The following AKT3 variants were observed in gnomAD, a reference collection of about 807,000 sequenced individuals.
AKT3 encodes the protein RAC-gamma serine/threonine-protein kinase.
A neutral mutation model predicts 65.3 loss-of-function variants in AKT3; 15 were observed. That is an observed-to-expected ratio of 0.23 (90% confidence interval 0.15 to 0.35). The LOEUF is 0.35. Among genes scored for constraint, AKT3 ranks in the 10% least tolerant of loss-of-function variants. The pLI, the probability that AKT3 is intolerant of heterozygous loss-of-function variation, is 1.00. For missense variants in AKT3, 243 were observed against 576.5 expected (o/e 0.42, Z 5.92); for synonymous variants, 206 against 183.8 (o/e 1.12, Z -0.98).
intron 2 of AKT3, among the ~76,000 whole-genome samples, chr1:243,746,092 T>C (rs1688457759): frequency 6.6e-6 from 1 of 152,238 alleles, no homozygotes; most frequent in East Asian, 1.9e-4. Context: ...GTTCATTCGA[T>C]GATTTTTTAC....
chr1:243,681,075 A>C (rs955989058), intron 3 of AKT3, among the ~76,000 whole-genome samples: 1 of 152,124 alleles, frequency 6.6e-6, no homozygotes, highest in Non-Finnish European at 1.5e-5. Context: ...TGGTCTGGAA[A>C]CTTGAAAGCT....
chr1:243,663,110 CA>C (rs1682496420), intron 4 of AKT3, among the ~76,000 whole-genome samples: 1 of 152,184 alleles, frequency 6.6e-6, no homozygotes, highest in Non-Finnish European at 1.5e-5. Flanking sequence ...GGACTATGTG[CA>C]AAAGATGTTT....
chr1:243,677,228 C>T (rs913624850), intron 3 of AKT3, among the ~76,000 whole-genome samples: 1 of 152,152 alleles, frequency 6.6e-6, no homozygotes, highest in Non-Finnish European at 1.5e-5. Flanking sequence ...ATTCTAGTCA[C>T]TCAAGATCTT....
At chr1:243,704,097 G>A (rs1052139318) in intron 2 of AKT3, among the ~76,000 whole-genome samples, 14 of 152,128 alleles carry the variant, frequency 9.2e-5, no homozygotes, top group African/African-American at 3.4e-4. Flanking sequence ...TTGGATGTGT[G>A]TTGATAGTCT....
intron 8 of AKT3, among the ~76,000 whole-genome samples, chr1:243,594,834 C>A (rs992140221): frequency 3.9e-5 from 6 of 152,150 alleles, no homozygotes; most frequent in Admixed American, 3.3e-4. Context: ...CCTGCCTCAG[C>A]CTCCCAAAGT....
chr1:243,569,981 T>G (rs539846742), intron 9 of AKT3, among the ~76,000 whole-genome samples: 1 of 152,324 alleles, frequency 6.6e-6, no homozygotes, highest in African/African-American at 2.4e-5. Context: ...TTTCCTTAAG[T>G]AATCACAAGG....
intron 2 of AKT3, among the ~76,000 whole-genome samples, chr1:243,820,321 G>A (rs1402791032): frequency 6.6e-6 from 1 of 152,182 alleles, no homozygotes; most frequent in Non-Finnish European, 1.5e-5. Flanking sequence ...AAAGATCGAA[G>A]CTGGATAAAC....
At chr1:243,724,256 A>G (rs1236956585) in intron 2 of AKT3, among the ~76,000 whole-genome samples, 1 of 152,026 alleles carries the variant, frequency 6.6e-6, no homozygotes, top group African/African-American at 2.4e-5. Context: ...AAAAAAAAAA[A>G]AAAGAATCCA....
At chr1:243,524,342 C>A (rs894764851) in intron 12 of AKT3, among the ~76,000 whole-genome samples, 1 of 152,146 alleles carries the variant, frequency 6.6e-6, no homozygotes, top group Non-Finnish European at 1.5e-5. Context: ...TCTGCTGACT[C>A]CTGAACCATA....
intron 12 of AKT3, among the ~76,000 whole-genome samples, chr1:243,515,561 C>T (rs752815234): frequency 1.3e-5 from 2 of 152,106 alleles, no homozygotes; most frequent in Non-Finnish European, 2.9e-5. Context: ...AATGTTAAAT[C>T]AATCTTATAT....
Position 243,563,795 on chromosome 1 carries a change from T to C in AKT3, c.873A>G (p.Gly291=), listed in dbSNP as rs146644658. The C allele has an allele frequency of 3.7e-6, 6 of 1,612,902 alleles. No individual in the cohort carries two copies. The African/African-American group carries it at 6.7e-5, about 18-fold the overall frequency. The change falls in exon 10 of 14, where the codon GGA becomes GGG. Residue 291 remains glycine (G), a synonymous_variant. Coordinates refer to ENST00000673466, the MANE Select transcript of AKT3 (RefSeq NM_005465.7). ...KDGHIKITDF[G]LCKEGITDAA... is the part of the protein sequence containing the mutation. ...CATCTGTGATCCCTTCTTTGCAAAG[T>C]CCAAAATCTGTAATTTTTATGTGGC...
intron 3 of AKT3, among the ~76,000 whole-genome samples, chr1:243,665,587 T>C (rs1411773957): frequency 6.6e-6 from 1 of 152,122 alleles, no homozygotes; most frequent in East Asian, 1.9e-4. Context: ...TGTGCGTAGA[T>C]TCAATTATTT....
At chr1:243,584,115 C>T (rs1038925722) in intron 8 of AKT3, among the ~76,000 whole-genome samples, 2 of 152,034 alleles carry the variant, frequency 1.3e-5, no homozygotes, top group African/African-American at 4.8e-5. Context: ...TAAATAACCA[C>T]AATTAGAAAT....
At chr1:243,696,431 TAC>T (rs1319744237) in intron 2 of AKT3, among the ~76,000 whole-genome samples, 1 of 151,922 alleles carries the variant, frequency 6.6e-6, no homozygotes, top group Non-Finnish European at 1.5e-5. Context: ...GCCACCAAAA[TAC>T]ACATTTTTAG....
chr1:243,746,168 G>A (rs942724430), intron 2 of AKT3, among the ~76,000 whole-genome samples: 1 of 151,778 alleles, frequency 6.6e-6, no homozygotes, highest in Non-Finnish European at 1.5e-5. Context: ...CAAACATAGG[G>A]AGTACTTTAT....
chr1:243,781,044 C>A (rs916368176), intron 2 of AKT3, among the ~76,000 whole-genome samples: 2 of 151,974 alleles, frequency 1.3e-5, no homozygotes, highest in African/African-American at 2.4e-5. Flanking sequence ...CAGTTAAAGT[C>A]TCTTCTATGG....
rs564781040 is a variant in AKT3 at position 243,765,793 on chromosome 1, C to G, written c.47-70077G>C. Among the ~76,000 whole-genome samples, 11 of 152,260 alleles carry G rather than the reference C, an allele frequency of 7.2e-5. No homozygotes were observed. In the South Asian group the frequency reaches 2.3e-3, roughly 32 times the overall value. On this transcript the variant is annotated intron_variant, in intron 2 of 13. Coordinates refer to ENST00000673466, the MANE Select transcript of AKT3 (RefSeq NM_005465.7). ...TTAAGTTACAAAGTTACTCCTCAGGCCGAAGTAAACGTTCAAGTTAATCAG... is the reference window on the plus strand; with the variant it reads ...TTAAGTTACAAAGTTACTCCTCAGGGCGAAGTAAACGTTCAAGTTAATCAG...
At chr1:243,664,977 C>A in intron 3 of AKT3, 94 bp from the exon 4 acceptor site, 2 of 535,896 alleles carry the variant, frequency 3.7e-6, no homozygotes, top group Admixed American at 4.0e-5. Context: ...TAAACAAAAC[C>A]CAGTGCGAAC....
chr1:243,566,706 A>G (rs1407067047), intron 9 of AKT3, among the ~76,000 whole-genome samples: 1 of 152,234 alleles, frequency 6.6e-6, no homozygotes, highest in Non-Finnish European at 1.5e-5. Flanking sequence ...TCTATAAAAC[A>G]AAAGTAAATA....
Sources: allele counts gnomAD v4.1 joint callset (sites outside exome capture counted in the v4.1 genomes callset), GRCh38; gene constraint gnomAD v4.1.1; transcripts MANE v1.5; gene names NCBI Gene and HGNC (gene_info 2026-07-23, HGNC 2026-07-21).